WWOX: variants seen among roughly 807,000 people sequenced by gnomAD.
WWOX encodes WW domain-containing oxidoreductase.
In WWOX, 69 loss-of-function variants were observed where a neutral mutation model predicts 46.2. The ratio of observed to expected loss-of-function variants is 1.49; its 90% CI spans 1.23 to 1.82. WWOX has a LOEUF of 1.82. WWOX is among the 40% of genes most tolerant of loss of function. WWOX has a pLI of 0.00. For missense variants in WWOX, 919 were observed against 542.6 expected, an observed-to-expected ratio of 1.69 and a Z score of -6.89; for synonymous variants, 359 against 202.6, an observed-to-expected ratio of 1.77 and a Z score of -6.56.
chr16:78,111,006 A>ATT (rs112868043), intron 3 of WWOX, among the ~76,000 whole-genome samples: 2 of 147,192 alleles, frequency 1.4e-5, no homozygotes, highest in Admixed American at 1.4e-4. Flanking sequence ...TTGAGCAGGA[A>ATT]TTTTTTTTTT....
chr16:79,163,619 A>G (rs1447824857), intron 8 of WWOX, among the ~76,000 whole-genome samples: 1 of 152,074 alleles, frequency 6.6e-6, no homozygotes, highest in Non-Finnish European at 1.5e-5. Context: ...CCCAAAATGG[A>G]GAAACGCCAT....
intron 8 of WWOX, among the ~76,000 whole-genome samples, chr16:78,628,637 T>C (rs1338788499): frequency 2.0e-5 from 3 of 152,078 alleles, no homozygotes; most frequent in Non-Finnish European, 4.4e-5. Flanking sequence ...TTTTTTTAGC[T>C]CTCTTTGTCT....
At chr16:79,108,752 T>G (rs1311346909) in intron 8 of WWOX, among the ~76,000 whole-genome samples, 1 of 151,804 alleles carries the variant, frequency 6.6e-6, no homozygotes, top group Admixed American at 6.6e-5. Context: ...AAATAAAAAA[T>G]TAGTTAGGTG....
At chr16:78,594,560 C>T (rs2045437562) in intron 8 of WWOX, among the ~76,000 whole-genome samples, 1 of 151,250 alleles carries the variant, frequency 6.6e-6, no homozygotes, top group Non-Finnish European at 1.5e-5. Flanking sequence ...GGCTCAAACT[C>T]ATAGTTTTCA....
At chr16:79,124,114 G>A (rs940723297) in intron 8 of WWOX, among the ~76,000 whole-genome samples, 1 of 152,102 alleles carries the variant, frequency 6.6e-6, no homozygotes, top group Non-Finnish European at 1.5e-5. Context: ...TATAGCCTTG[G>A]CCTCAAGTTG....
chr16:78,750,182 G>C lies in WWOX; in HGVS notation c.1056+317430G>C, dbSNP rs140962598. On this transcript the variant is annotated intron_variant, in intron 8 of 8. Coordinates refer to ENST00000566780, the MANE Select transcript of WWOX (RefSeq NM_016373.4). ...AAAGTAGAGGTGTTTGTACAGTTCA[G>C]CTGCTGCCTTATTCAAAAACAGGAA... is the stretch of plus-strand genomic sequence containing the variant. Among the ~76,000 whole-genome samples, 283 of 152,330 alleles carry C rather than the reference G, an allele frequency of 1.9e-3. 1 individual carries two copies. Among genetic ancestry groups the C allele is most frequent in the African/African-American group, 6.3e-3 (260 of 41,578 alleles).
At chr16:78,877,635 C>T (rs1357792430) in intron 8 of WWOX, among the ~76,000 whole-genome samples, 1 of 152,294 alleles carries the variant, frequency 6.6e-6, no homozygotes, top group African/African-American at 2.4e-5. Flanking sequence ...GAGACATAGA[C>T]ATACATGAGT....
At chr16:78,436,383 G>A (rs1275184095) in intron 8 of WWOX, among the ~76,000 whole-genome samples, 4 of 152,206 alleles carry the variant, frequency 2.6e-5, no homozygotes, top group African/African-American at 9.6e-5. Flanking sequence ...AAGCCGTAGG[G>A]TGTGGACTTT....
intron 8 of WWOX, among the ~76,000 whole-genome samples, chr16:78,733,326 G>A (rs1005162821): frequency 6.6e-6 from 1 of 152,082 alleles, no homozygotes; most frequent in Non-Finnish European, 1.5e-5. Flanking sequence ...GTGATGTTGT[G>A]TGTCTGTAGT....
intron 8 of WWOX, among the ~76,000 whole-genome samples, chr16:78,578,280 ATATATTTTTTTTTT>A (rs1208587405): frequency 2.8e-5 from 1 of 35,438 alleles, no homozygotes; most frequent in Admixed American, 3.7e-4. Context: ...ATATATATAT[ATATATTTTTTTTTT>A]TTTTTTTTTT....
intron 5 of WWOX, among the ~76,000 whole-genome samples, chr16:78,232,596 C>A (rs1475452786): frequency 1.3e-5 from 2 of 152,112 alleles, no homozygotes; most frequent in Non-Finnish European, 2.9e-5. Context: ...GAAAAATTAA[C>A]TTTTAAAATC....
At chr16:78,462,695 G>T (rs560814560) in intron 8 of WWOX, among the ~76,000 whole-genome samples, 1 of 152,316 alleles carries the variant, frequency 6.6e-6, no homozygotes, top group South Asian at 2.1e-4. Flanking sequence ...ATTAGAACTG[G>T]AAAGGTGCAA....
intron 5 of WWOX, among the ~76,000 whole-genome samples, chr16:78,193,649 T>C (rs1484470571): frequency 6.6e-6 from 1 of 152,154 alleles, no homozygotes; most frequent in Admixed American, 6.5e-5. Context: ...TAGGGGATGC[T>C]AGGGGCTGGA....
At chr16:79,127,892 A>G (rs1158341522) in intron 8 of WWOX, among the ~76,000 whole-genome samples, 2 of 152,192 alleles carry the variant, frequency 1.3e-5, no homozygotes, top group Non-Finnish European at 2.9e-5. Flanking sequence ...AGACTGCAAG[A>G]AGGAGAAGAT....
intron 6 of WWOX, among the ~76,000 whole-genome samples, chr16:78,387,307 C>G (rs1401780514): frequency 6.6e-6 from 1 of 152,190 alleles, no homozygotes; most frequent in East Asian, 1.9e-4. Flanking sequence ...CATTCAGGAA[C>G]AAGTAAACTC....
At chr16:78,768,447 A>C (rs781361273) in intron 8 of WWOX, among the ~76,000 whole-genome samples, 25 of 152,014 alleles carry the variant, frequency 1.6e-4, no homozygotes, top group Non-Finnish European at 5.9e-5. Flanking sequence ...ACAATTAGCC[A>C]GGTGTGGTGG....
At chr16:78,782,698 G>C (rs1260678745) in intron 8 of WWOX, among the ~76,000 whole-genome samples, 1 of 86,938 alleles carries the variant, frequency 1.2e-5, no homozygotes, top group Non-Finnish European at 2.2e-5. Context: ...TTTTCCAATT[G>C]TGATCATACT....
intron 8 of WWOX, among the ~76,000 whole-genome samples, chr16:78,682,916 CTAAACATCA>C (rs1236571394): frequency 1.3e-5 from 2 of 152,168 alleles, no homozygotes; most frequent in East Asian, 3.9e-4. Context: ...ACTTTCGTGA[CTAAACATCA>C]TAAGCTCCAA....
At chr16:78,280,111 C>T (rs1014634684) in intron 5 of WWOX, among the ~76,000 whole-genome samples, 2 of 152,340 alleles carry the variant, frequency 1.3e-5, no homozygotes, top group African/African-American at 2.4e-5. Context: ...AGGCTCTACC[C>T]AACTGGGGGA....
Sources: gnomAD v4.1 joint callset for allele counts (sites outside exome capture counted in the v4.1 genomes callset) on GRCh38, gnomAD v4.1.1 for gene constraint, MANE v1.5 for transcripts, NCBI Gene and HGNC (gene_info 2026-07-23, HGNC 2026-07-21) for gene names.